Variants in SLC25A38 observed in about 807,000 individuals in gnomAD.
SLC25A38 encodes solute carrier family 25 member 38.
A neutral mutation model predicts 33.4 loss-of-function variants in SLC25A38; 27 were observed. The observed-to-expected ratio is 0.81, with a 90% confidence interval of 0.60 to 1.11. The LOEUF is 1.11. SLC25A38 is among the 50% of genes most tolerant of loss of function. The pLI, the probability that SLC25A38 is intolerant of heterozygous loss-of-function variation, is 0.00. For synonymous variants in SLC25A38, 123 were observed against 145.9 expected (o/e 0.84, Z 1.13); for missense variants, 344 against 388.8 (o/e 0.88, Z 0.97).
Position 39,383,638 on chromosome 3 carries a change from C to T in SLC25A38, c.-87C>T. The T allele has an allele frequency of 6.7e-7, 1 of 1,499,498 alleles. No homozygotes were observed. The highest frequency in any genetic ancestry group is 9.3e-7 in the Non-Finnish European group (1 of 1,079,576). The allele number at this position is 1,499,498 out of a possible 1,614,324, so 92.9% of individuals were successfully genotyped here. On this transcript the variant is annotated 5_prime_UTR_variant, in exon 1 of 7. Transcript: ENST00000650617. ...GCGCGTCGCCTGGCTAGCGCCACCCCCTAGCCTTCTTCAAGGCCTCCAGGG... is the reference window on the plus strand; with the variant it reads ...GCGCGTCGCCTGGCTAGCGCCACCCTCTAGCCTTCTTCAAGGCCTCCAGGG...
At chr3:39,392,480 T>G (rs1168868287) in intron 5 of SLC25A38, among the ~76,000 whole-genome samples, 1 of 151,990 alleles carries the variant, frequency 6.6e-6, no homozygotes, top group Non-Finnish European at 1.5e-5. Context: ...AAAATAATAT[T>G]TTCATCTCCC....
chr3:39,389,452 C>A lies in SLC25A38; in HGVS notation c.70-43C>A. The A allele has an allele frequency of 1.9e-6, 3 of 1,614,172 alleles. No individual in the cohort carries two copies. Among genetic ancestry groups the A allele is most frequent in the Non-Finnish European group, 2.5e-6 (3 of 1,180,022 alleles). On this transcript the variant is annotated intron_variant, in intron 1 of 6. Transcript: ENST00000650617. This position sits in a 1 kb window ranked among gnomAD's most constrained non-coding sequence, Gnocchi z 4.5. ...GTCAGGTATAGAGAAAGGTGAGGCT[C>A]ACACAGGCAGAGCTACTGACACAAT...
At chr3:39,391,176 A>G (rs1356886534) in intron 3 of SLC25A38, among the ~76,000 whole-genome samples, 1 of 152,166 alleles carries the variant, frequency 6.6e-6, no homozygotes, top group Non-Finnish European at 1.5e-5. Flanking sequence ...AGTTGGAGGG[A>G]TAACTCTGAG....
At position 39,383,654 on chromosome 3, in the gene SLC25A38, G is replaced by A; in HGVS notation, c.-71G>A. 6.3e-7 allele frequency: 1 copy of A among 1,576,202 alleles called. No individual in the cohort carries two copies. Among genetic ancestry groups the A allele is most frequent in the Non-Finnish European group, 8.7e-7 (1 of 1,146,808 alleles). ...GCGCCACCCCCTAGCCTTCTTCAAG[G>A]CCTCCAGGGCTGGGCCCAAGCGCCC... On this transcript the variant is annotated 5_prime_UTR_variant, in exon 1 of 7. Transcript: ENST00000650617.
At chr3:39,384,713 T>A (rs1184740072) in intron 1 of SLC25A38, 1 of 398,484 alleles carries the variant, frequency 2.5e-6, no homozygotes, top group Non-Finnish European at 4.4e-6. Flanking sequence ...CGTGTGCGTA[T>A]TATTGTTTAT....
intron 1 of SLC25A38, chr3:39,384,349 G>A (rs533380234): frequency 1.2e-5 from 3 of 252,188 alleles, no homozygotes; most frequent in Admixed American, 1.1e-4. Flanking sequence ...TGCCCGGGCC[G>A]CCGGGCCGCT....
Position 39,384,504 on chromosome 3 carries a change from GC to G in SLC25A38, c.69+712del, listed in dbSNP as rs2041687513. The G allele has an allele frequency of 1.5e-5, 6 of 390,298 alleles. No individual in the cohort carries two copies. The Admixed American group carries it at 2.7e-4, about 17-fold the overall frequency. The allele number at this position is 390,298 out of a possible 1,614,324, so 24.2% of individuals were successfully genotyped here. ...AGGTCTTGCGCCCGAGGTAGGGGCG[GC>G]TTTTATTTTTTTTTTTAATCCTTAA... On this transcript the variant is annotated intron_variant, in intron 1 of 6. Transcript: ENST00000650617.
chr3:39,390,316 T>C, intron 2 of SLC25A38, 107 bp from the exon 3 acceptor site: 1 of 1,087,450 alleles, frequency 9.2e-7, no homozygotes, highest in Non-Finnish European at 1.4e-6. Flanking sequence ...GATTGTTAAG[T>C]GTCCTAAAAA....
At chr3:39,388,237 T>A (rs544954348) in intron 1 of SLC25A38, 1 of 152,342 alleles carries the variant, frequency 6.6e-6, no homozygotes, top group East Asian at 1.9e-4. Flanking sequence ...CTTGCTAAAA[T>A]ACGCACACCT....
At chr3:39,385,769 C>T (rs747825852) in intron 1 of SLC25A38, among the ~76,000 whole-genome samples, 53 of 152,338 alleles carry the variant, frequency 3.5e-4, no homozygotes, top group Admixed American at 1.1e-3. Context: ...ACTATTCTGT[C>T]TTTGACACGC....
At chr3:39,391,158 C>G (rs1328246049) in intron 3 of SLC25A38, among the ~76,000 whole-genome samples, 1 of 152,222 alleles carries the variant, frequency 6.6e-6, no homozygotes, top group Non-Finnish European at 1.5e-5. Context: ...CCATGTCCCT[C>G]CCCACTCAGT....
At chr3:39,394,712 C>A in intron 6 of SLC25A38, 136 bp downstream of exon 6, 1 of 974,956 alleles carries the variant, frequency 1.0e-6, no homozygotes, top group South Asian at 1.6e-5. Context: ...AAAATCTAGG[C>A]CAACTATATC....
In SLC25A38 at chr3:39,394,469, A is replaced by G; in HGVS notation, c.685A>G (p.Ile229Val). ...TNFSCGIFAGILASLVTQPAD... is the reference protein window; with the variant it reads ...TNFSCGIFAGVLASLVTQPAD... ...TTTCAGCTGTGGGATATTTGCTGGT[A>G]TTCTGGCCTCACTGGTAACTCAACC... Residue 229 changes from isoleucine (I) to valine (V), a missense_variant, in exon 6 of 7, where the codon ATT (isoleucine) becomes GTT (valine). Coordinates refer to ENST00000650617, the MANE Select transcript of SLC25A38 (RefSeq NM_017875.4). 1 of 1,614,022 alleles carries G rather than the reference A, an allele frequency of 6.2e-7. No individual in the cohort carries two copies. Among genetic ancestry groups the G allele is most frequent in the Non-Finnish European group, 8.5e-7 (1 of 1,180,026 alleles).
At chr3:39,387,072 A>T (rs2041715181) in intron 1 of SLC25A38, among the ~76,000 whole-genome samples, 1 of 152,126 alleles carries the variant, frequency 6.6e-6, no homozygotes, top group African/African-American at 2.4e-5. Context: ...GACAGTATTA[A>T]TCTCTGAAGC....
In SLC25A38 at chr3:39,383,741, G is replaced by A; in HGVS notation, c.17G>A (p.Arg6His). Reference protein sequence around the residue: MIQNSRPSLLQPQDVG... With the variant: MIQNSHPSLLQPQDVG... ...TCATCTCCAATGATTCAGAACTCACGTCCGTCGCTGCTGCAACCCCAAGAT... is the reference window on the plus strand; with the variant it reads ...TCATCTCCAATGATTCAGAACTCACATCCGTCGCTGCTGCAACCCCAAGAT... The change falls in exon 1 of 7, where the codon CGT becomes CAT. Residue 6 changes from arginine (R) to histidine (H), a missense_variant. Arg to His is a conservative substitution (Grantham distance 29). Coordinates refer to ENST00000650617, the MANE Select transcript of SLC25A38 (RefSeq NM_017875.4). The A allele has an allele frequency of 1.2e-6, 2 of 1,614,162 alleles. No individual in the cohort carries two copies. The highest frequency in any genetic ancestry group is 1.7e-6 in the Non-Finnish European group (2 of 1,179,996).
chr3:39,383,713 G>C lies in SLC25A38; in HGVS notation c.-12G>C. 3 of 1,614,040 alleles carry C rather than the reference G, an allele frequency of 1.9e-6. No homozygotes were observed. In the South Asian group the frequency reaches 3.3e-5, roughly 18 times the overall value. On this transcript the variant is annotated 5_prime_UTR_variant, in exon 1 of 7. Coordinates refer to ENST00000650617, the MANE Select transcript of SLC25A38 (RefSeq NM_017875.4). ...CACCCTGGGCCCAGAGGACTCGCGG[G>C]CCTCATCTCCAATGATTCAGAACTC...
rs2041736313 is a variant in SLC25A38, at chr3:39,389,441, A to G, written c.70-54A>G. On this transcript the variant is annotated intron_variant, in intron 1 of 6. Coordinates refer to ENST00000650617, the MANE Select transcript of SLC25A38 (RefSeq NM_017875.4). This position sits in a 1 kb window ranked among gnomAD's most constrained non-coding sequence, Gnocchi z 4.5. Reference sequence around the variant, plus strand: ...GGAATTTGCTGGTCAGGTATAGAGAAAGGTGAGGCTCACACAGGCAGAGCT... The same window carrying G: ...GGAATTTGCTGGTCAGGTATAGAGAGAGGTGAGGCTCACACAGGCAGAGCT... 1.2e-6 allele frequency: 2 copies of G among 1,614,096 alleles called. No homozygotes were observed. The highest frequency in any genetic ancestry group is 1.7e-6 in the Non-Finnish European group (2 of 1,179,976).
intron 2 of SLC25A38, among the ~76,000 whole-genome samples, chr3:39,390,048 C>T (rs1363807191): frequency 6.6e-6 from 1 of 152,214 alleles, no homozygotes; most frequent in East Asian, 1.9e-4. Context: ...TCAAGGGATT[C>T]TCCTGCCTCA....
At position 39,397,259 on chromosome 3, in the gene SLC25A38, C is replaced by G. The variant is rs1408790328; in HGVS notation, c.*739C>G. 1 of 152,622 alleles carries G rather than the reference C, an allele frequency of 6.6e-6. No individual in the cohort carries two copies. The highest frequency in any genetic ancestry group is 1.5e-5 in the Non-Finnish European group (1 of 68,452). 9.5% of individuals were successfully genotyped at this position (152,622 alleles called of 1,614,324 possible). On this transcript the variant is annotated 3_prime_UTR_variant, in exon 7 of 7. Coordinates refer to ENST00000650617, the MANE Select transcript of SLC25A38 (RefSeq NM_017875.4). ...TGTTGTCACACTTCTGTTTTCTTTACCTGTGCCTTATAAAAATGGACCAAA... is the reference window on the plus strand; with the variant it reads ...TGTTGTCACACTTCTGTTTTCTTTAGCTGTGCCTTATAAAAATGGACCAAA...
Sources: allele counts gnomAD v4.1 joint callset (sites outside exome capture counted in the v4.1 genomes callset), GRCh38; gene constraint gnomAD v4.1.1; non-coding constraint Gnocchi (gnomAD v3.1); transcripts MANE v1.5; gene names NCBI Gene and HGNC (gene_info 2026-07-23, HGNC 2026-07-21).